Variants in FAM124B observed in about 807,000 individuals in gnomAD.
FAM124B encodes protein FAM124B.
FAM124B carries 18 observed loss-of-function variants against 19.7 expected under a neutral mutation model. That is an observed-to-expected ratio of 0.92 (90% CI 0.63 to 1.36). The LOEUF (loss-of-function observed/expected upper bound fraction) is 1.36, where lower values mean the gene tolerates loss of function less well. Ranked by LOEUF, FAM124B falls within the 40% of genes most tolerant of loss-of-function variation. The probability of loss-of-function intolerance (pLI) is 0.00; values close to 1 mark genes in which losing one functional copy is unlikely to be tolerated. For missense variants in FAM124B, 540 were observed against 553.3 expected (o/e 0.98, Z 0.24); for synonymous variants, 223 against 225.2 (o/e 0.99, Z 0.09).
chr2:224,396,211 A>C (rs1689967359), intron 1 of FAM124B, among the ~76,000 whole-genome samples: 1 of 149,948 alleles, frequency 6.7e-6, no homozygotes. Flanking sequence ...TCTTCCCCTG[A>C]CTCCCCCTCC....
intron 1 of FAM124B, among the ~76,000 whole-genome samples, chr2:224,384,601 T>C (rs1300282287): frequency 6.6e-6 from 1 of 152,102 alleles, no homozygotes; most frequent in African/African-American, 2.4e-5. Flanking sequence ...CTTAGTCACC[T>C]CTCTCCATTC....
rs1271218040 is a variant in FAM124B, at chr2:224,380,060, G to A, written c.881C>T (p.Ser294Phe). ...CCCACTGGGCTCAGGAAGCTCCAGA[G>A]AATGCCCCTGGGACCTCTTGCCCTG... ...RNQGKRSQGH[S>F]LELPEPSGSP... is the part of the protein sequence containing the mutation. Residue 294 changes from serine to phenylalanine, a missense_variant, in exon 2 of 2, where the codon TCT (serine) becomes TTT (phenylalanine). Transcript: ENST00000409685. 6 of 1,551,578 alleles carry A rather than the reference G, an allele frequency of 3.9e-6. No homozygotes were observed. The highest frequency in any genetic ancestry group is 5.2e-6 in the Non-Finnish European group (6 of 1,147,016).
At chr2:224,392,644 A>G (rs1460739379) in intron 1 of FAM124B, among the ~76,000 whole-genome samples, 1 of 151,832 alleles carries the variant, frequency 6.6e-6, no homozygotes, top group African/African-American at 2.4e-5. Context: ...AGTCCCAGCT[A>G]CTCCAGAGAC....
intron 1 of FAM124B, among the ~76,000 whole-genome samples, chr2:224,394,576 C>T (rs1454574442): frequency 6.6e-6 from 1 of 152,214 alleles, no homozygotes; most frequent in Non-Finnish European, 1.5e-5. Context: ...TTGATGCTAA[C>T]AGGATTATGG....
intron 1 of FAM124B, among the ~76,000 whole-genome samples, chr2:224,388,737 A>G (rs569194955): frequency 6.6e-6 from 1 of 152,328 alleles, no homozygotes; most frequent in Admixed American, 6.5e-5. Flanking sequence ...TGTGTATTTT[A>G]CCACAATTTT....
At chr2:224,382,301 T>C (rs967284255) in intron 1 of FAM124B, among the ~76,000 whole-genome samples, 2 of 152,186 alleles carry the variant, frequency 1.3e-5, no homozygotes, top group Non-Finnish European at 1.5e-5. Flanking sequence ...TCTCATATTT[T>C]TTATGTGTCA....
chr2:224,401,239 T>A lies in FAM124B; in HGVS notation c.530A>T (p.Tyr177Phe). 1 of 1,614,034 alleles carries A rather than the reference T, an allele frequency of 6.2e-7. No homozygotes were observed. The highest frequency in any genetic ancestry group is 1.3e-5 in the African/African-American group (1 of 74,994). The change falls in exon 1 of 2, where the codon TAT (tyrosine) becomes TTT (phenylalanine). Residue 177 changes from tyrosine (Y) to phenylalanine (F), a missense_variant. Coordinates refer to ENST00000409685, the MANE Select transcript of FAM124B (RefSeq NM_001122779.2). Reference protein sequence around the residue: ...QKSNFCFFVLYASKSFALQLS... With the variant: ...QKSNFCFFVLFASKSFALQLS... The stretch of plus-strand genomic sequence containing the variant: ...CTGCAGAGCAAAGCTCTTGGAGGCA[T>A]AGAGCACGAAGAAACAAAAATTGCT...
chr2:224,380,785 T>C (rs1689702001), intron 1 of FAM124B, among the ~76,000 whole-genome samples: 1 of 152,194 alleles, frequency 6.6e-6, no homozygotes, highest in African/African-American at 2.4e-5. Flanking sequence ...GCACCATTTA[T>C]TTAGATTAGA....
At chr2:224,383,503 CCTTTT>C (rs1327313369) in intron 1 of FAM124B, among the ~76,000 whole-genome samples, 1 of 151,934 alleles carries the variant, frequency 6.6e-6, no homozygotes, top group African/African-American at 2.4e-5. Context: ...TCCTTTCTTT[CCTTTT>C]CATCTGTTTG....
chr2:224,384,477 AT>A (rs1199880859), intron 1 of FAM124B, among the ~76,000 whole-genome samples: 1 of 151,910 alleles, frequency 6.6e-6, no homozygotes, highest in Non-Finnish European at 1.5e-5. Context: ...ACCTGCCCAC[AT>A]TTTCTGAACA....
intron 1 of FAM124B, 115 bp downstream of exon 1, chr2:224,400,922 C>T (rs1188180820): frequency 2.9e-6 from 4 of 1,357,204 alleles, no homozygotes; most frequent in African/African-American, 2.9e-5. Context: ...TTATGAAAGA[C>T]CCTAAGGGAC....
rs746173534 is a variant in FAM124B, at chr2:224,401,042, G to GT, written c.726_727insA (p.Leu243ThrfsTer12). 4 of 1,592,810 alleles carry GT rather than the reference G, an allele frequency of 2.5e-6. No individual in the cohort carries two copies. The South Asian group carries it at 3.4e-5, about 13-fold the overall frequency. On this transcript the variant is annotated frameshift_variant, in exon 1 of 2. Transcript: ENST00000409685. LOFTEE classifies it low-confidence loss of function (END_TRUNC). ...CTGAGACAAAACAGAAATACCTGAAGCAGAATCTTGTTGCCATCGTAGTCC... is the reference window on the plus strand; with the variant it reads ...CTGAGACAAAACAGAAATACCTGAAGTCAGAATCTTGTTGCCATCGTAGTCC...
At position 224,401,817 on chromosome 2, in the gene FAM124B, T is replaced by G. The variant is rs779280563; in HGVS notation, c.-49A>C. 3 of 1,554,252 alleles carry G rather than the reference T, an allele frequency of 1.9e-6. No individual in the cohort carries two copies. Among genetic ancestry groups the G allele is most frequent in the South Asian group, 2.4e-5 (2 of 82,366 alleles). ...AAGACAGCGTGTGTAGAAGGCCCAC[T>G]GTTCAAGTTTCTGAAATGAATGAAG... is the stretch of plus-strand genomic sequence containing the variant. On this transcript the variant is annotated 5_prime_UTR_variant, in exon 1 of 2. Coordinates refer to ENST00000409685, the MANE Select transcript of FAM124B (RefSeq NM_001122779.2).
intron 1 of FAM124B, among the ~76,000 whole-genome samples, chr2:224,394,034 A>G (rs1689929870): frequency 6.6e-6 from 1 of 152,142 alleles, no homozygotes; most frequent in South Asian, 2.1e-4. Context: ...AGCACACCTG[A>G]GAAGCCACAT....
Position 224,401,485 on chromosome 2 carries a change from T to A in FAM124B, c.284A>T (p.Gln95Leu). Residue 95 changes from glutamine to leucine, a missense_variant, in exon 1 of 2, where the codon CAG becomes CTG. Transcript: ENST00000409685. ...CCGAGTGTCCTGGGTGGGGTAGCAC[T>A]GCCATGGCGAATGCTGGAGAGAGTC... ...VLDSLQHSPW[Q>L]CYPTQDTRGR... is the part of the protein sequence containing the mutation. The A allele has an allele frequency of 6.2e-7, 1 of 1,614,102 alleles. No individual in the cohort carries two copies. The highest frequency in any genetic ancestry group is 8.5e-7 in the Non-Finnish European group (1 of 1,180,020).
rs150467231 is a variant in FAM124B, at chr2:224,392,565, G to A, written c.732+8472C>T. On this transcript the variant is annotated intron_variant, in intron 1 of 1. Transcript: ENST00000409685. ...AGCTCAGGAGTTTGAGACCAGCCTG[G>A]GCAACATGGCAAAACCCGGTCTCTA... 1.5e-4 allele frequency among the ~76,000 whole-genome samples: 23 copies of A among 152,112 alleles called. No homozygotes were observed. The East Asian group carries it at 4.2e-3, about 28-fold the overall frequency.
chr2:224,392,342 G>A (rs766545967), intron 1 of FAM124B, among the ~76,000 whole-genome samples: 2 of 152,182 alleles, frequency 1.3e-5, no homozygotes, highest in Non-Finnish European at 2.9e-5. Flanking sequence ...TACTCAGGAG[G>A]CTGAAATGAG....
rs531819284 is a variant in FAM124B at position 224,383,269 on chromosome 2, A to G, written c.733-3061T>C. On this transcript the variant is annotated intron_variant, in intron 1 of 1. Coordinates refer to ENST00000409685, the MANE Select transcript of FAM124B (RefSeq NM_001122779.2). Reference sequence around the variant, plus strand: ...GCAGCGAAGTTTCGGAACTACTGCCATGGACCCAGAAAAGCTAGGCTTCGA... The same window carrying G: ...GCAGCGAAGTTTCGGAACTACTGCCGTGGACCCAGAAAAGCTAGGCTTCGA... Among the ~76,000 whole-genome samples, 353 of 152,306 alleles carry G rather than the reference A, an allele frequency of 2.3e-3. 2 individuals are homozygous for G. The highest frequency in any genetic ancestry group is 8.3e-3 in the African/African-American group (344 of 41,584).
rs532180749 is a variant in FAM124B, at chr2:224,390,856, A to G, written c.732+10181T>C. On this transcript the variant is annotated intron_variant, in intron 1 of 1. Coordinates refer to ENST00000409685, the MANE Select transcript of FAM124B (RefSeq NM_001122779.2). ...GCTGGGACTACAGGCGCCCACCACC[A>G]CGCCCGGCTAATTTTTTTGTATTTT... Among the ~76,000 whole-genome samples the G allele has an allele frequency of 5.3e-5, 8 of 150,676 alleles. No individual in the cohort carries two copies. The East Asian group carries it at 1.0e-3, about 19-fold the overall frequency.
Sources: allele counts gnomAD v4.1 joint callset (sites outside exome capture counted in the v4.1 genomes callset), GRCh38; gene constraint gnomAD v4.1.1; transcripts MANE v1.5; gene names NCBI Gene and HGNC (gene_info 2026-07-23, HGNC 2026-07-21).